The following KCNQ1OT1 variants were observed in gnomAD, a reference collection of about 807,000 sequenced individuals.
The protein encoded by KCNQ1OT1 is KCNQ1 opposite strand/antisense transcript 1, also known as KCNQ1 antisense RNA 2 (non-protein coding).
rs890931432 is a variant in KCNQ1OT1 at position 2,691,734 on chromosome 11, C to T, written n.8261G>A. 10 of 398,572 alleles carry T rather than the reference C, an allele frequency of 2.5e-5. No individual in the cohort carries two copies. The highest frequency in any genetic ancestry group is 1.9e-4 in the African/African-American group (9 of 48,618). The allele number at this position is 398,572 out of a possible 1,614,324, so 24.7% of individuals were successfully genotyped here. ...GAGAGGCAGCCCACAGGGAGCCACACAGGCAGGGGACATTCCACTAGGGCC... is the reference window on the plus strand; with the variant it reads ...GAGAGGCAGCCCACAGGGAGCCACATAGGCAGGGGACATTCCACTAGGGCC... On this transcript the variant is annotated non_coding_transcript_exon_variant, in exon 1 of 1. Coordinates refer to ENST00000597346, the Ensembl canonical transcript of KCNQ1OT1. The surrounding 1 kb of genome is among the most constrained non-coding windows in gnomAD (Gnocchi z 6.4).
exon 1 of KCNQ1OT1, chr11:2,649,686 TC>T (rs1849728146): frequency 2.5e-6 from 1 of 398,494 alleles, no homozygotes; most frequent in Non-Finnish European, 4.4e-6. Context: ...TGCTGTTGAT[TC>T]CCTTATATGT....
At chr11:2,640,704 C>CT in exon 1 of KCNQ1OT1, 1 of 398,380 alleles carries the variant, frequency 2.5e-6, no homozygotes. Flanking sequence ...TTCAAGTCCT[C>CT]TTTTTTATTT....
chr11:2,645,821 T>C lies in KCNQ1OT1; in HGVS notation n.54174A>G, dbSNP rs1185729583. 31 of 398,538 alleles carry C rather than the reference T, an allele frequency of 7.8e-5. No homozygotes were observed. Among genetic ancestry groups the C allele is most frequent in the Non-Finnish European group, 4.0e-5 (9 of 226,146 alleles). The allele number at this position is 398,538 out of a possible 1,614,324, so 24.7% of individuals were successfully genotyped here. A position where few individuals can be genotyped will look rare whatever the true frequency, so the allele number is the denominator to read the frequency against. ...GGGTTGGGCTATCAAAATGGGACTT[T>C]CCTGAAGTTGCCTGAGGATTCAGGG... is the stretch of plus-strand genomic sequence containing the variant. On this transcript the variant is annotated non_coding_transcript_exon_variant, in exon 1 of 1. Transcript: ENST00000597346. The surrounding 1 kb of genome is among the most constrained non-coding windows in gnomAD (Gnocchi z 5.8).
rs1286017591 is a variant in KCNQ1OT1, at chr11:2,653,694, C to A, written n.46301G>T. On this transcript the variant is annotated non_coding_transcript_exon_variant, in exon 1 of 1. Transcript: ENST00000597346. This position sits in a 1 kb window ranked among gnomAD's most constrained non-coding sequence, Gnocchi z 5.3. ...GCATTCAACAGCTCAGGAAGCCCAG[C>A]AGAACGAGGTCATCTCTTCCAGGAT... 4 of 398,578 alleles carry A rather than the reference C, an allele frequency of 1.0e-5. No homozygotes were observed. The highest frequency in any genetic ancestry group is 8.8e-5 in the Admixed American group (2 of 22,722). The allele number at this position is 398,578 out of a possible 1,614,324, so 24.7% of individuals were successfully genotyped here.
rs561454446 is a variant in KCNQ1OT1 at position 2,686,310 on chromosome 11, T to C, written n.13685A>G. ...GAGGCCAGACCACAGACCACACTAG[T>C]GTCACCTGGCCCGTCCCACCTGTTC... On this transcript the variant is annotated non_coding_transcript_exon_variant, in exon 1 of 1. Coordinates refer to ENST00000597346, the Ensembl canonical transcript of KCNQ1OT1. 3 of 398,682 alleles carry C rather than the reference T, an allele frequency of 7.5e-6. No individual in the cohort carries two copies. In the South Asian group the frequency reaches 3.8e-4, roughly 51 times the overall value. 24.7% of individuals were successfully genotyped at this position (398,682 alleles called of 1,614,324 possible).
At chr11:2,641,885 G>C (rs1309268441) in exon 1 of KCNQ1OT1, 1 of 398,330 alleles carries the variant, frequency 2.5e-6, no homozygotes, top group Admixed American at 4.4e-5. Flanking sequence ...TAAGTGAAGA[G>C]GGTGCTCTTT....
At position 2,620,115 on chromosome 11, in the gene KCNQ1OT1, G is replaced by A. The variant is rs990372919; in HGVS notation, n.79880C>T. Reference sequence around the variant, plus strand: ...TTGCAAGTGGTAACATGCAGTATTTGGTTTTCTGTTCCTGCATTAATTTGC... The same window carrying A: ...TTGCAAGTGGTAACATGCAGTATTTAGTTTTCTGTTCCTGCATTAATTTGC... On this transcript the variant is annotated non_coding_transcript_exon_variant, in exon 1 of 1. Coordinates refer to ENST00000597346, the Ensembl canonical transcript of KCNQ1OT1. This position sits in a 1 kb window ranked among gnomAD's most constrained non-coding sequence, Gnocchi z 4.5. 5.3e-5 allele frequency: 21 copies of A among 397,480 alleles called. No individual in the cohort carries two copies. The highest frequency in any genetic ancestry group is 7.5e-5 in the Non-Finnish European group (17 of 225,914). The allele number at this position is 397,480 out of a possible 1,614,324, so 24.6% of individuals were successfully genotyped here.
At position 2,664,775 on chromosome 11, in the gene KCNQ1OT1, G is replaced by T. The variant is rs1048863738; in HGVS notation, n.35220C>A. 5.0e-6 allele frequency: 2 copies of T among 398,726 alleles called. No homozygotes were observed. Among genetic ancestry groups the T allele is most frequent in the Non-Finnish European group, 8.8e-6 (2 of 226,154 alleles). 24.7% of individuals were successfully genotyped at this position (398,726 alleles called of 1,614,324 possible). On this transcript the variant is annotated non_coding_transcript_exon_variant, in exon 1 of 1. Transcript: ENST00000597346. The surrounding 1 kb of genome is among the most constrained non-coding windows in gnomAD (Gnocchi z 5.1). ...CTGGGGTCTCACAGGGGGCAGAGTG[G>T]GTGGGAGGCAGTTACCAAAAAACAT...
At position 2,679,566 on chromosome 11, in the gene KCNQ1OT1, T is replaced by C; in HGVS notation, n.20429A>G. The C allele has an allele frequency of 5.0e-6, 2 of 398,652 alleles. No homozygotes were observed. Among genetic ancestry groups the C allele is most frequent in the East Asian group, 7.1e-5 (2 of 28,084 alleles). The allele number at this position is 398,652 out of a possible 1,614,324, so 24.7% of individuals were successfully genotyped here. A position where few individuals can be genotyped will look rare whatever the true frequency, so the allele number is the denominator to read the frequency against. On this transcript the variant is annotated non_coding_transcript_exon_variant, in exon 1 of 1. Transcript: ENST00000597346. The surrounding 1 kb of genome is among the most constrained non-coding windows in gnomAD (Gnocchi z 4.8). ...CCATCCATTGTAATCATGTGTACCA[T>C]GCAATTCACAGTGCCTGACAAAGCT... is the stretch of plus-strand genomic sequence containing the variant.
exon 1 of KCNQ1OT1, chr11:2,609,198 T>C (rs1458445304): frequency 2.5e-6 from 1 of 398,296 alleles, no homozygotes; most frequent in African/African-American, 2.1e-5. Flanking sequence ...TTTAAATGTA[T>C]CCCATAAGTT....
exon 1 of KCNQ1OT1, chr11:2,635,457 G>A (rs1275743621): frequency 1.3e-5 from 2 of 152,264 alleles, no homozygotes; most frequent in East Asian, 3.9e-4. Flanking sequence ...CCCATTTCTT[G>A]TTTCTGTCAG....
exon 1 of KCNQ1OT1, chr11:2,697,037 C>T (rs1850689119): frequency 2.5e-6 from 1 of 398,490 alleles, no homozygotes. Flanking sequence ...GCCCCCCAGA[C>T]CCTTTCAGGA....
chr11:2,650,921 G>A (rs1168695874), exon 1 of KCNQ1OT1: 1 of 398,502 alleles, frequency 2.5e-6, no homozygotes, highest in Non-Finnish European at 4.4e-6. Context: ...CTGGCTGAAA[G>A]TCTTTTTTAA....
At position 2,664,090 on chromosome 11, in the gene KCNQ1OT1, G is replaced by T; in HGVS notation, n.35905C>A. On this transcript the variant is annotated non_coding_transcript_exon_variant, in exon 1 of 1. Coordinates refer to ENST00000597346, the Ensembl canonical transcript of KCNQ1OT1. The surrounding 1 kb of genome is among the most constrained non-coding windows in gnomAD (Gnocchi z 5.1). ...GATAAGTGGGCCCAGGCAGGTCAGA[G>T]ACTCCAGTCATTACCCAACCAGGTC... 1 of 398,766 alleles carries T rather than the reference G, an allele frequency of 2.5e-6. No individual in the cohort carries two copies. Among genetic ancestry groups the T allele is most frequent in the Non-Finnish European group, 4.4e-6 (1 of 226,164 alleles). 24.7% of individuals were successfully genotyped at this position (398,766 alleles called of 1,614,324 possible).
chr11:2,610,161 T>C (rs1466093386), exon 1 of KCNQ1OT1: 1 of 397,860 alleles, frequency 2.5e-6, no homozygotes, highest in South Asian at 1.3e-4. Context: ...TTTATGATTC[T>C]TCAATATTCT....
In KCNQ1OT1 at chr11:2,659,943, C is replaced by T. The variant is rs1172230187; in HGVS notation, n.40052G>A. On this transcript the variant is annotated non_coding_transcript_exon_variant, in exon 1 of 1. Coordinates refer to ENST00000597346, the Ensembl canonical transcript of KCNQ1OT1. This position sits in a 1 kb window ranked among gnomAD's most constrained non-coding sequence, Gnocchi z 4.3. ...TCTTTATATATTCTGAGTGCAAGTC[C>T]TTGACCTGATAGGTGATATGCAAAT... 2.5e-6 allele frequency: 1 copy of T among 398,328 alleles called. No individual in the cohort carries two copies. Among genetic ancestry groups the T allele is most frequent in the Non-Finnish European group, 4.4e-6 (1 of 225,972 alleles). The allele number at this position is 398,328 out of a possible 1,614,324, so 24.7% of individuals were successfully genotyped here.
chr11:2,613,923 C>T lies in KCNQ1OT1; in HGVS notation n.86072G>A. On this transcript the variant is annotated non_coding_transcript_exon_variant, in exon 1 of 1. Transcript: ENST00000597346. The surrounding 1 kb of genome is among the most constrained non-coding windows in gnomAD (Gnocchi z 4.8). ...CAAAAAAGTACTATTCTGTATATGC[C>T]CTTTTGAACTTTGCTTTTCTCACCT... The T allele has an allele frequency of 2.5e-6, 1 of 398,488 alleles. No homozygotes were observed. The highest frequency in any genetic ancestry group is 4.4e-6 in the Non-Finnish European group (1 of 226,032). The allele number at this position is 398,488 out of a possible 1,614,324, so 24.7% of individuals were successfully genotyped here. A position where few individuals can be genotyped will look rare whatever the true frequency, so the allele number is the denominator to read the frequency against.
chr11:2,618,134 C>G (rs2133800031), exon 1 of KCNQ1OT1: 1 of 398,394 alleles, frequency 2.5e-6, no homozygotes, highest in Non-Finnish European at 4.4e-6. Flanking sequence ...CCTATGTTTT[C>G]TTCTGGTTGT....
rs1388960845 is a variant in KCNQ1OT1 at position 2,652,492 on chromosome 11, G to A, written n.47503C>T. 5.0e-6 allele frequency: 2 copies of A among 398,470 alleles called. No individual in the cohort carries two copies. Among genetic ancestry groups the A allele is most frequent in the African/African-American group, 4.1e-5 (2 of 48,612 alleles). 24.7% of individuals were successfully genotyped at this position (398,470 alleles called of 1,614,324 possible). On this transcript the variant is annotated non_coding_transcript_exon_variant, in exon 1 of 1. Coordinates refer to ENST00000597346, the Ensembl canonical transcript of KCNQ1OT1. This position sits in a 1 kb window ranked among gnomAD's most constrained non-coding sequence, Gnocchi z 5.9. The stretch of plus-strand genomic sequence containing the variant: ...AGAAACTTTCCTCCCCACCTCTCCA[G>A]AGGTTTCTGGGGAATGTCCTGTGAG...
Sources: allele counts gnomAD v4.1 joint callset, GRCh38; gene constraint gnomAD v4.1.1; non-coding constraint Gnocchi (gnomAD v3.1); transcripts MANE v1.5; gene names NCBI Gene and HGNC (gene_info 2026-07-23, HGNC 2026-07-21).